The following RGS7 variants were observed in gnomAD, a reference collection of about 807,000 sequenced individuals.
The protein encoded by RGS7 is regulator of G protein signaling 7, also known as regulator of G-protein signaling 7.
A neutral mutation model predicts 81.1 loss-of-function variants in RGS7; 27 were observed. The ratio of observed to expected loss-of-function variants is 0.33; its 90% CI spans 0.25 to 0.46. The LOEUF (loss-of-function observed/expected upper bound fraction) is 0.46. RGS7 is among the 20% of genes least tolerant of loss of function. The pLI is 1.00. For missense variants in RGS7, 396 were observed against 607.4 expected, an observed-to-expected ratio of 0.65 and a Z score of 3.66; for synonymous variants, 208 against 207.7, an observed-to-expected ratio of 1.00 and a Z score of -0.01.
At chr1:240,796,304 T>G (rs1411305953) in intron 18 of RGS7, among the ~76,000 whole-genome samples, 1 of 152,236 alleles carries the variant, frequency 6.6e-6, no homozygotes, top group African/African-American at 2.4e-5. Context: ...AACTAAGTGT[T>G]GTATCTTCTT....
At position 240,988,733 on chromosome 1, in the gene RGS7, C is replaced by T. The variant is rs570624047; in HGVS notation, c.176-5604G>A. On this transcript the variant is annotated intron_variant, in intron 3 of 18. Coordinates refer to ENST00000440928, the MANE Select transcript of RGS7 (RefSeq NM_001364886.1). ...CAGCTACAGACTATGTTCTCTAACC[C>T]CTTGATCTAAGAAATCTCAGCAATG... Among the ~76,000 whole-genome samples, 4 of 152,270 alleles carry T rather than the reference C, an allele frequency of 2.6e-5. No individual in the cohort carries two copies. In the East Asian group the frequency reaches 7.7e-4, roughly 29 times the overall value.
chr1:241,273,680 T>C (rs891249550), intron 2 of RGS7, among the ~76,000 whole-genome samples: 8 of 152,130 alleles, frequency 5.3e-5, no homozygotes, highest in East Asian at 3.9e-4. Context: ...CTAGCCCTCA[T>C]AGGACTTCTG....
intron 3 of RGS7, among the ~76,000 whole-genome samples, chr1:241,046,626 T>C (rs1454350602): frequency 6.6e-6 from 1 of 152,188 alleles, no homozygotes; most frequent in East Asian, 1.9e-4. Context: ...ATTTTGAGGA[T>C]ACCAGTCAGC....
intron 18 of RGS7, among the ~76,000 whole-genome samples, chr1:240,780,047 A>G (rs1683698232): frequency 6.6e-6 from 1 of 152,226 alleles, no homozygotes; most frequent in Non-Finnish European, 1.5e-5. Flanking sequence ...GTTCTTAAAT[A>G]CAATGCCATT....
intron 2 of RGS7, among the ~76,000 whole-genome samples, chr1:241,193,190 A>G (rs2072812495): frequency 1.3e-5 from 2 of 152,230 alleles, no homozygotes; most frequent in Admixed American, 6.5e-5. Flanking sequence ...AGACTTAAGT[A>G]AACTCCTAAG....
rs574603564 is a variant in RGS7 at position 240,979,432 on chromosome 1, C to G, written c.226+3647G>C. ...AAAACTTTAAAGCACTCCTGAAAGA[C>G]CACATATCAAAATTGAAGACATGAA... On this transcript the variant is annotated intron_variant, in intron 4 of 18. Transcript: ENST00000440928. Among the ~76,000 whole-genome samples the G allele has an allele frequency of 1.4e-4, 22 of 152,182 alleles. 1 individual carries two copies. The South Asian group carries it at 2.9e-3, about 20-fold the overall frequency.
At chr1:241,219,834 AT>A (rs2074791394) in intron 2 of RGS7, among the ~76,000 whole-genome samples, 1 of 151,354 alleles carries the variant, frequency 6.6e-6, no homozygotes, top group East Asian at 1.9e-4. Context: ...AAATGTAAAC[AT>A]TATGTCAAAA....
chr1:241,287,713 T>C (rs1156469202), intron 2 of RGS7, among the ~76,000 whole-genome samples: 1 of 151,228 alleles, frequency 6.6e-6, no homozygotes, highest in Non-Finnish European at 1.5e-5. Flanking sequence ...ATTCTATAGA[T>C]ACCTACTTCA....
chr1:241,085,698 T>C (rs2063396774), intron 3 of RGS7, among the ~76,000 whole-genome samples: 2 of 152,132 alleles, frequency 1.3e-5, no homozygotes, highest in Admixed American at 1.3e-4. Flanking sequence ...CCTCCCAAAG[T>C]GCTGGGATTA....
intron 4 of RGS7, among the ~76,000 whole-genome samples, chr1:240,941,690 C>T (rs1677604518): frequency 6.6e-6 from 1 of 151,850 alleles, no homozygotes; most frequent in Non-Finnish European, 1.5e-5. Flanking sequence ...GCAGTATTCT[C>T]AAGACAGACT....
chr1:240,793,484 T>C (rs1292334321), intron 18 of RGS7, among the ~76,000 whole-genome samples: 2 of 151,326 alleles, frequency 1.3e-5, no homozygotes, highest in Non-Finnish European at 2.9e-5. Context: ...GAGAAAATAG[T>C]TCATCTTTGA....
rs142995508 is a variant in RGS7, at chr1:241,277,911, C to T, written c.78+77788G>A. On this transcript the variant is annotated intron_variant, in intron 2 of 18. Transcript: ENST00000440928. ...TCTGTAAAGTTTTACTGAGTTGCAT[C>T]TTTAGTTTTTCTCCATTTTGTTATT... 1.1e-3 allele frequency among the ~76,000 whole-genome samples: 161 copies of T among 152,284 alleles called. 1 individual carries two copies. Among genetic ancestry groups the T allele is most frequent in the Middle Eastern group, 3.4e-3 (1 of 294 alleles).
chr1:240,872,069 A>G (rs1218829762), intron 6 of RGS7, among the ~76,000 whole-genome samples: 1 of 152,204 alleles, frequency 6.6e-6, no homozygotes, highest in Non-Finnish European at 1.5e-5. Flanking sequence ...GACATTATGT[A>G]TCTTGTAATA....
chr1:240,922,064 AAAG>A (rs1249185769), intron 6 of RGS7, among the ~76,000 whole-genome samples: 2 of 152,074 alleles, frequency 1.3e-5, no homozygotes, highest in Non-Finnish European at 2.9e-5. Context: ...AATCAAGGAA[AAAG>A]AATAGAGATT....
chr1:241,068,257 T>TGTGTATATATATATATATATATATAA (rs2062206347), intron 3 of RGS7, among the ~76,000 whole-genome samples: 2 of 73,278 alleles, frequency 2.7e-5, no homozygotes, highest in African/African-American at 8.8e-5. Context: ...TATATATATA[T>TGTGTATATATATATATATATATATAA]AAAATATTGT....
intron 2 of RGS7, among the ~76,000 whole-genome samples, chr1:241,114,985 T>A (rs1299719677): frequency 6.6e-6 from 1 of 152,192 alleles, no homozygotes; most frequent in East Asian, 1.9e-4. Flanking sequence ...TATCACATTG[T>A]CTAAGATGGA....
chr1:240,953,876 A>G (rs1679942050), intron 4 of RGS7, among the ~76,000 whole-genome samples: 1 of 152,086 alleles, frequency 6.6e-6, no homozygotes, highest in South Asian at 2.1e-4. Context: ...CGTGTGAAAA[A>G]GAAAGAAGAC....
chr1:241,128,604 A>T (rs965150220), intron 2 of RGS7, among the ~76,000 whole-genome samples: 2 of 152,138 alleles, frequency 1.3e-5, no homozygotes, highest in African/African-American at 2.4e-5. Flanking sequence ...AAATAAATTT[A>T]AAAAGTTCAG....
chr1:241,207,247 T>TC (rs1177324471), intron 2 of RGS7, among the ~76,000 whole-genome samples: 36 of 146,558 alleles, frequency 2.5e-4, no homozygotes, highest in African/African-American at 5.7e-4. Context: ...TGTTTCTTTC[T>TC]TTCTCTCTCT....
Sources: allele counts gnomAD v4.1 joint callset (sites outside exome capture counted in the v4.1 genomes callset), GRCh38; gene constraint gnomAD v4.1.1; transcripts MANE v1.5; gene names NCBI Gene and HGNC (gene_info 2026-07-23, HGNC 2026-07-21).